Variants in ZNF827 observed in about 807,000 individuals in gnomAD.
ZNF827 encodes the protein zinc finger protein 827.
In ZNF827, 13 loss-of-function variants were observed where a neutral mutation model predicts 102.4. That is an observed-to-expected ratio of 0.13 (90% confidence interval 0.08 to 0.20). The LOEUF is 0.20. ZNF827 is among the 10% of genes least tolerant of loss of function. The pLI, the probability that ZNF827 is intolerant of heterozygous loss-of-function variation, is 1.00. For synonymous variants in ZNF827, 523 were observed against 536.2 expected, an observed-to-expected ratio of 0.98 and a Z score of 0.34; for missense variants, 1,103 against 1,344.4, an observed-to-expected ratio of 0.82 and a Z score of 2.81.
At chr4:145,859,467 T>C (rs942585298) in intron 5 of ZNF827, among the ~76,000 whole-genome samples, 3 of 152,162 alleles carry the variant, frequency 2.0e-5, no homozygotes, top group African/African-American at 7.2e-5. Context: ...CCTAGTCCCA[T>C]GCCTGTGGGA....
chr4:145,774,727 T>A lies in ZNF827; in HGVS notation c.2694-55A>T, dbSNP rs952262918. The A allele has an allele frequency of 6.4e-6, 10 of 1,568,728 alleles. No individual in the cohort carries two copies. In the African/African-American group the frequency reaches 1.3e-4, roughly 21 times the overall value. ...GAGAGAAAAGGGTGACACATACTTC[T>A]AAATGTAGGCTGTCCATTTATACAC... On this transcript the variant is annotated intron_variant, in intron 10 of 14. Coordinates refer to ENST00000508784, the MANE Select transcript of ZNF827 (RefSeq NM_001306215.2).
chr4:145,796,623 C>CTTTTTTTTTTTTTTTTTTTTTTTTTTTTT (rs34553120), intron 8 of ZNF827, among the ~76,000 whole-genome samples: 1 of 113,928 alleles, frequency 8.8e-6, no homozygotes. Flanking sequence ...ATTTGTTCCT[C>CTTTTTTTTTTTTTTTTTTTTTTTTTTTTT]TTTTTTTTTT....
Position 145,872,393 on chromosome 4 carries a change from G to A in ZNF827, c.1748-1915C>T, listed in dbSNP as rs570720472. 1.2e-4 allele frequency among the ~76,000 whole-genome samples: 19 copies of A among 152,210 alleles called. No homozygotes were observed. The South Asian group carries it at 2.7e-3, about 22-fold the overall frequency. ...CTGCACGAGGACACAGTGAGAAGGC[G>A]GCCGTCTGCAAAACAAGGAGAGAGG... On this transcript the variant is annotated intron_variant, in intron 4 of 14. Coordinates refer to ENST00000508784, the MANE Select transcript of ZNF827 (RefSeq NM_001306215.2).
intron 11 of ZNF827, among the ~76,000 whole-genome samples, chr4:145,772,801 A>C (rs1244948458): frequency 6.6e-6 from 1 of 152,242 alleles, no homozygotes; most frequent in Non-Finnish European, 1.5e-5. Flanking sequence ...TGTACTAACA[A>C]ACAAGAATAT....
intron 8 of ZNF827, among the ~76,000 whole-genome samples, chr4:145,818,920 A>C (rs1742862491): frequency 6.6e-6 from 1 of 152,208 alleles, no homozygotes; most frequent in Non-Finnish European, 1.5e-5. Flanking sequence ...ATCAAGAACA[A>C]GACTGAGGAC....
chr4:145,884,701 C>T (rs765220114), intron 4 of ZNF827, among the ~76,000 whole-genome samples: 2 of 152,008 alleles, frequency 1.3e-5, no homozygotes, highest in Non-Finnish European at 2.9e-5. Context: ...AACACCACGA[C>T]TTAAATCAAA....
intron 4 of ZNF827, among the ~76,000 whole-genome samples, chr4:145,884,710 AAT>A (rs1408388042): frequency 1.3e-5 from 2 of 152,298 alleles, no homozygotes; most frequent in South Asian, 2.1e-4. Flanking sequence ...ACTTAAATCA[AAT>A]ATGTTGGGAA....
chr4:145,846,785 C>G (rs1746006501), intron 6 of ZNF827, among the ~76,000 whole-genome samples: 1 of 146,896 alleles, frequency 6.8e-6, no homozygotes, highest in Non-Finnish European at 1.5e-5. Context: ...CCACTACACT[C>G]CAGCCTGAGC....
At chr4:145,856,032 T>C (rs1315925226) in intron 5 of ZNF827, among the ~76,000 whole-genome samples, 2 of 152,088 alleles carry the variant, frequency 1.3e-5, no homozygotes, top group Non-Finnish European at 2.9e-5. Context: ...TTCTTTCTTC[T>C]TGCCCAGGCT....
chr4:145,778,294 C>T (rs1013752183), intron 9 of ZNF827, among the ~76,000 whole-genome samples: 3 of 152,114 alleles, frequency 2.0e-5, no homozygotes, highest in African/African-American at 4.8e-5. Flanking sequence ...CCACCACATC[C>T]GTCTAATTTT....
chr4:145,810,818 T>A (rs982653678), intron 8 of ZNF827, among the ~76,000 whole-genome samples: 1 of 152,208 alleles, frequency 6.6e-6, no homozygotes, highest in Non-Finnish European at 1.5e-5. Context: ...CCTACCTATG[T>A]GCATTTAGTT....
intron 9 of ZNF827, among the ~76,000 whole-genome samples, chr4:145,777,804 T>A (rs573853288): frequency 6.6e-6 from 1 of 152,278 alleles, no homozygotes; most frequent in Non-Finnish European, 1.5e-5. Context: ...CCTCTATAAA[T>A]TTTCCTCTGA....
At position 145,887,658 on chromosome 4, in the gene ZNF827, T is replaced by C. The variant is rs2126829868; in HGVS notation, c.1267-1500A>G. On this transcript the variant is annotated intron_variant, in intron 3 of 14. Transcript: ENST00000508784. ...GAAACACACTGATTGTCACCAGCTGTTAACATCACCCCTTTCTGTTCTTTC... is the reference window on the plus strand; with the variant it reads ...GAAACACACTGATTGTCACCAGCTGCTAACATCACCCCTTTCTGTTCTTTC... Among the ~76,000 whole-genome samples, 2 of 152,286 alleles carry C rather than the reference T, an allele frequency of 1.3e-5. 1 individual carries two copies. The highest frequency in any genetic ancestry group is 4.1e-4 in the South Asian group (2 of 4,828).
In ZNF827 at chr4:145,779,518, C is replaced by G; in HGVS notation, c.2384-7G>C. The G allele has an allele frequency of 6.2e-7, 1 of 1,611,566 alleles. No individual in the cohort carries two copies. The highest frequency in any genetic ancestry group is 8.5e-7 in the Non-Finnish European group (1 of 1,179,154). ...AGGACTATCTTTTCTGTTTCTGGGT[C>G]AAAAGAACAAAGCATCATGAGAAAT... On this transcript the variant is annotated splice_polypyrimidine_tract_variant and splice_region_variant and intron_variant, in intron 8 of 14. Transcript: ENST00000508784.
rs747054069 is a variant in ZNF827, at chr4:145,870,526, C to T, written c.1748-48G>A. The T allele has an allele frequency of 2.6e-6, 4 of 1,511,576 alleles. No homozygotes were observed. In the African/African-American group the frequency reaches 5.5e-5, roughly 21 times the overall value. The allele number at this position is 1,511,576 out of a possible 1,614,324, so 93.6% of individuals were successfully genotyped here. A position where few individuals can be genotyped will look rare whatever the true frequency, so the allele number is the denominator to read the frequency against. ...TATATATACATAAAAGGCCACTCCC[C>T]TCCTTAGCTGCCCTGGTACTTCACG... On this transcript the variant is annotated intron_variant, in intron 4 of 14. Transcript: ENST00000508784.
intron 11 of ZNF827, among the ~76,000 whole-genome samples, 167 bp downstream of exon 11, chr4:145,774,339 T>A (rs1226218061): frequency 6.6e-6 from 1 of 152,162 alleles, no homozygotes; most frequent in Admixed American, 6.5e-5. Flanking sequence ...GGAAACAGTA[T>A]TATGACTACA....
At chr4:145,843,049 A>G (rs1478729925) in intron 7 of ZNF827, among the ~76,000 whole-genome samples, 1 of 152,212 alleles carries the variant, frequency 6.6e-6, no homozygotes, top group South Asian at 2.1e-4. Flanking sequence ...AGGAGTCAGG[A>G]AAGAAGAAAG....
intron 8 of ZNF827, among the ~76,000 whole-genome samples, chr4:145,818,626 A>G (rs1482731147): frequency 6.6e-6 from 1 of 152,244 alleles, no homozygotes; most frequent in East Asian, 1.9e-4. Context: ...GGACTGAAGA[A>G]AATAGTTTGC....
chr4:145,882,738 C>G (rs1490264922), intron 4 of ZNF827, among the ~76,000 whole-genome samples: 2 of 152,170 alleles, frequency 1.3e-5, no homozygotes, highest in East Asian at 3.9e-4. Flanking sequence ...GTTTTGCAGA[C>G]AGTGATCTGG....
Sources: allele counts gnomAD v4.1 joint callset (sites outside exome capture counted in the v4.1 genomes callset), GRCh38; gene constraint gnomAD v4.1.1; transcripts MANE v1.5; gene names NCBI Gene and HGNC (gene_info 2026-07-23, HGNC 2026-07-21).